Variants in DLGAP1 observed in about 807,000 individuals in gnomAD.
DLGAP1 encodes the protein DLG associated protein 1.
A neutral mutation model predicts 90.8 loss-of-function variants in DLGAP1; 11 were observed. That is an observed-to-expected ratio of 0.12 (90% CI 0.08 to 0.20). The LOEUF (loss-of-function observed/expected upper bound fraction) is 0.20, where lower values mean the gene tolerates loss of function less well. DLGAP1 is among the 10% of genes least tolerant of loss of function. DLGAP1 has a pLI of 1.00. For missense variants in DLGAP1, 1,050 were observed against 1,333.8 expected, an observed-to-expected ratio of 0.79 and a Z score of 3.31; for synonymous variants, 558 against 540.7, an observed-to-expected ratio of 1.03 and a Z score of -0.44.
chr18:4,421,961 G>A (rs1369921262), intron 1 of DLGAP1, among the ~76,000 whole-genome samples: 1 of 152,122 alleles, frequency 6.6e-6, no homozygotes, highest in Non-Finnish European at 1.5e-5. Context: ...CAATCTGCCT[G>A]TGTCAGCCTC....
At position 4,342,641 on chromosome 18, in the gene DLGAP1, A is replaced by C. The variant is rs1356019302; in HGVS notation, c.-267+112365T>G. 1.3e-5 allele frequency among the ~76,000 whole-genome samples: 2 copies of C among 152,168 alleles called. No homozygotes were observed. The highest frequency in any genetic ancestry group is 2.9e-5 in the Non-Finnish European group (2 of 68,036). ...AAGAGGGAAATTAGCTCTATTGAAA[A>C]TGTATTTGTTTTGGTTTTGGTTAAT... On this transcript the variant is annotated intron_variant, in intron 1 of 12. Transcript: ENST00000315677. The surrounding 1 kb of genome is among the most constrained non-coding windows in gnomAD (Gnocchi z 5.8).
chr18:3,867,404 G>A (rs182547086), intron 4 of DLGAP1, among the ~76,000 whole-genome samples: 10 of 152,306 alleles, frequency 6.6e-5, no homozygotes, highest in Middle Eastern at 6.8e-3. Context: ...AAAGAAGTGA[G>A]AGAAGGGAGT....
intron 1 of DLGAP1, among the ~76,000 whole-genome samples, chr18:4,316,237 C>T (rs927688274): frequency 1.3e-5 from 2 of 152,180 alleles, no homozygotes; most frequent in Non-Finnish European, 2.9e-5. Flanking sequence ...TACATGGCAT[C>T]GTGTAGGCTG....
At chr18:3,769,823 T>C (rs1489689777) in intron 5 of DLGAP1, among the ~76,000 whole-genome samples, 2 of 151,216 alleles carry the variant, frequency 1.3e-5, no homozygotes, top group African/African-American at 4.9e-5. Flanking sequence ...TGTTCTACAG[T>C]TTTTTGAAAT....
chr18:4,053,696 G>A (rs2075170557), intron 2 of DLGAP1, among the ~76,000 whole-genome samples: 1 of 152,044 alleles, frequency 6.6e-6, no homozygotes, highest in South Asian at 2.1e-4. Context: ...CACGTTTCCT[G>A]TACAGCCTGC....
chr18:3,643,983 C>T (rs1488806246), intron 7 of DLGAP1, among the ~76,000 whole-genome samples: 2 of 152,226 alleles, frequency 1.3e-5, no homozygotes, highest in African/African-American at 2.4e-5. Flanking sequence ...TCTTCTCCTA[C>T]CAGAAACACA....
intron 3 of DLGAP1, among the ~76,000 whole-genome samples, chr18:3,987,105 A>G (rs1459177182): frequency 6.6e-6 from 1 of 152,200 alleles, no homozygotes. Context: ...GCTAGCTTTG[A>G]GAATGAGAGC....
chr18:4,381,831 T>A (rs961611960), intron 1 of DLGAP1, among the ~76,000 whole-genome samples: 4 of 152,128 alleles, frequency 2.6e-5, no homozygotes, highest in Non-Finnish European at 5.9e-5. Flanking sequence ...AAGACATACC[T>A]GAGACTGGGT....
At chr18:4,060,148 C>T (rs569949434) in intron 2 of DLGAP1, among the ~76,000 whole-genome samples, 1 of 152,356 alleles carries the variant, frequency 6.6e-6, no homozygotes, top group Non-Finnish European at 1.5e-5. Context: ...AAGGGTCTCT[C>T]TGCTCTAGCT....
chr18:3,811,862 T>C, intron 5 of DLGAP1, among the ~76,000 whole-genome samples: 1 of 152,172 alleles, frequency 6.6e-6, no homozygotes, highest in East Asian at 1.9e-4. Flanking sequence ...GTGACATTGA[T>C]TTCAGCCCCT....
intron 9 of DLGAP1, among the ~76,000 whole-genome samples, chr18:3,551,156 TAC>T (rs56394612): frequency 0.94 from 141,296 of 149,754 alleles, 67,271 homozygotes; most frequent in East Asian, 1. Flanking sequence ...TAATATTATA[TAC>T]ATATATATAT....
intron 1 of DLGAP1, among the ~76,000 whole-genome samples, chr18:4,419,818 A>C (rs2082988098): frequency 6.6e-6 from 1 of 152,132 alleles, no homozygotes; most frequent in South Asian, 2.1e-4. Flanking sequence ...AAAAATGCTA[A>C]ATTTTTACAA....
At position 3,709,301 on chromosome 18, in the gene DLGAP1, G is replaced by A. The variant is rs371140158; in HGVS notation, c.1591+19834C>T. ...CCCAATCTGCCTCCAAATATTTACCGAAGACACCCCTTTAGGAGCCTTCCT... is the reference window on the plus strand; with the variant it reads ...CCCAATCTGCCTCCAAATATTTACCAAAGACACCCCTTTAGGAGCCTTCCT... On this transcript the variant is annotated intron_variant, in intron 7 of 12. Transcript: ENST00000315677. 1.4e-4 allele frequency among the ~76,000 whole-genome samples: 22 copies of A among 152,202 alleles called. 1 individual carries two copies. The highest frequency in any genetic ancestry group is 5.3e-4 in the African/African-American group (22 of 41,520).
At chr18:4,344,336 G>A (rs983589267) in intron 1 of DLGAP1, among the ~76,000 whole-genome samples, 2 of 152,082 alleles carry the variant, frequency 1.3e-5, no homozygotes, top group African/African-American at 2.4e-5. Flanking sequence ...CCAATATCGC[G>A]ATGCTAGAAA....
chr18:3,723,463 C>T (rs2062048119), intron 7 of DLGAP1, among the ~76,000 whole-genome samples: 1 of 152,148 alleles, frequency 6.6e-6, no homozygotes, highest in Non-Finnish European at 1.5e-5. Context: ...GATTTTTCTG[C>T]AGCTTTTCCT....
intron 1 of DLGAP1, among the ~76,000 whole-genome samples, chr18:4,421,228 C>T (rs1248974361): frequency 6.6e-6 from 1 of 152,114 alleles, no homozygotes; most frequent in Non-Finnish European, 1.5e-5. Flanking sequence ...TGGTGGCTGT[C>T]AGTATTCCTT....
At chr18:3,883,134 C>T (rs1275269455) in intron 3 of DLGAP1, among the ~76,000 whole-genome samples, 3 of 152,288 alleles carry the variant, frequency 2.0e-5, no homozygotes, top group East Asian at 3.9e-4. Flanking sequence ...ATATCAGCTA[C>T]TTGGGAGGCT....
intron 7 of DLGAP1, among the ~76,000 whole-genome samples, chr18:3,642,574 T>C (rs548588779): frequency 3.9e-5 from 6 of 152,348 alleles, no homozygotes; most frequent in South Asian, 2.1e-4. Flanking sequence ...TGAAACTTTA[T>C]GACCTTAAGC....
At chr18:3,960,157 G>A (rs764196694) in intron 3 of DLGAP1, among the ~76,000 whole-genome samples, 1 of 152,130 alleles carries the variant, frequency 6.6e-6, no homozygotes, top group African/African-American at 2.4e-5. Context: ...ACCACTTTAC[G>A]TTTCATTTCT....
Sources: allele counts gnomAD v4.1 joint callset (sites outside exome capture counted in the v4.1 genomes callset), GRCh38; gene constraint gnomAD v4.1.1; non-coding constraint Gnocchi (gnomAD v3.1); transcripts MANE v1.5; gene names NCBI Gene and HGNC (gene_info 2026-07-23, HGNC 2026-07-21).